The following TNRC6C variants were observed in gnomAD, a reference collection of about 807,000 sequenced individuals.
TNRC6C encodes trinucleotide repeat-containing gene 6C protein.
TNRC6C carries 20 observed loss-of-function variants against 153.7 expected under a neutral mutation model. The observed-to-expected ratio is 0.13, with a 90% CI of 0.09 to 0.19. TNRC6C has a LOEUF of 0.19. Among genes scored for constraint, TNRC6C ranks in the 10% least tolerant of loss-of-function variants. The pLI is 1.00. For synonymous variants in TNRC6C, 811 were observed against 841.4 expected (o/e 0.96, Z 0.63); for missense variants, 1,987 against 2,172.0 (o/e 0.91, Z 1.69).
chr17:78,073,051 G>A, exon 7 of TNRC6C: 1 of 1,556,158 alleles, frequency 6.4e-7, no homozygotes, highest in Non-Finnish European at 8.7e-7. Flanking sequence ...AGCCAGCTGA[G>A]GAGGCCTTGA....
At chr17:77,967,758 T>C (rs1405535388) in intron 1 of TNRC6C, among the ~76,000 whole-genome samples, 1 of 152,210 alleles carries the variant, frequency 6.6e-6, no homozygotes, top group Non-Finnish European at 1.5e-5. Flanking sequence ...TTTCACAGAT[T>C]TGATGATGGT....
chr17:78,010,427 C>A (rs573871567), intron 1 of TNRC6C, among the ~76,000 whole-genome samples: 350 of 152,022 alleles, frequency 2.3e-3, no homozygotes, highest in Non-Finnish European at 4.2e-3. Context: ...AGTTTAATAT[C>A]AATCAGAATG....
At chr17:78,077,496 A>C in intron 9 of TNRC6C, 162 bp downstream of exon 11, 1 of 897,460 alleles carries the variant, frequency 1.1e-6, no homozygotes. Flanking sequence ...CAGGTGACTT[A>C]CTGGAGTCAA....
rs1041135573 is a variant in TNRC6C at position 78,080,500 on chromosome 17, G to C, written c.3357+959G>C. On this transcript the variant is annotated intron_variant, in intron 10 of 19. Coordinates refer to ENST00000301624, the Ensembl canonical transcript of TNRC6C. ...AAATCGAATTAAGGAAAAGGATATTGCTGTTTGGCATGGCTCTGAGGCCTA... is the reference window on the plus strand; with the variant it reads ...AAATCGAATTAAGGAAAAGGATATTCCTGTTTGGCATGGCTCTGAGGCCTA... Among the ~76,000 whole-genome samples the C allele has an allele frequency of 2.0e-5, 3 of 152,144 alleles. No individual in the cohort carries two copies. The South Asian group carries it at 6.2e-4, about 32-fold the overall frequency.
chr17:78,044,020 C>T (rs1020823477), intron 2 of TNRC6C, among the ~76,000 whole-genome samples: 20 of 152,156 alleles, frequency 1.3e-4, no homozygotes, highest in Non-Finnish European at 2.2e-4. Context: ...CTGCAGCAAA[C>T]ATCGAAGCTC....
chr17:77,980,353 A>G (rs1052714890), intron 1 of TNRC6C, among the ~76,000 whole-genome samples: 2 of 152,222 alleles, frequency 1.3e-5, no homozygotes, highest in East Asian at 1.9e-4. Context: ...GGAAAAACAC[A>G]GGTTATTTTT....
upstream of TNRC6C, among the ~76,000 whole-genome samples, chr17:77,957,906 C>G (rs978272340): frequency 1.3e-5 from 2 of 152,216 alleles, no homozygotes; most frequent in Non-Finnish European, 2.9e-5. Flanking sequence ...CGGCCCGGAC[C>G]GAAGGCTTGC....
At chr17:77,985,548 G>A (rs956187609) in intron 1 of TNRC6C, among the ~76,000 whole-genome samples, 1 of 150,362 alleles carries the variant, frequency 6.7e-6, no homozygotes, top group African/African-American at 2.5e-5. Context: ...GTTGCAGTGA[G>A]CCGAGATCGC....
In TNRC6C at chr17:78,097,947, G is replaced by T. The variant is rs530164706; in HGVS notation, c.4307-396G>T. On this transcript the variant is annotated intron_variant, in intron 16 of 19. Coordinates refer to ENST00000301624, the Ensembl canonical transcript of TNRC6C. ...TGACAGGCCCCAGCTTTTCCTATTG[G>T]CTCTTTACTCACTCCCTGAGCTGGG... 229 of 1,120,016 alleles carry T rather than the reference G, an allele frequency of 2.0e-4. 1 individual carries two copies. The African/African-American group carries it at 3.4e-3, about 16-fold the overall frequency. 69.4% of individuals were successfully genotyped at this position (1,120,016 alleles called of 1,614,324 possible). A position where few individuals can be genotyped will look rare whatever the true frequency, so the allele number is the denominator to read the frequency against.
intron 16 of TNRC6C, among the ~76,000 whole-genome samples, chr17:78,095,175 A>C (rs1323715694): frequency 1.3e-5 from 2 of 152,244 alleles, no homozygotes; most frequent in Non-Finnish European, 2.9e-5. Flanking sequence ...CAGATGAAGC[A>C]TCAGGTAGCC....
intron 1 of TNRC6C, among the ~76,000 whole-genome samples, chr17:78,013,535 A>G (rs2071673836): frequency 6.6e-6 from 1 of 152,200 alleles, no homozygotes; most frequent in Non-Finnish European, 1.5e-5. Context: ...GCTGATTGCT[A>G]TGGGAAGAAA....
chr17:78,102,498 C>A lies in TNRC6C; in HGVS notation c.4526C>A (p.Ser1509Ter). The A allele has an allele frequency of 6.2e-7, 1 of 1,607,842 alleles. No individual in the cohort carries two copies. Among genetic ancestry groups the A allele is most frequent in the Non-Finnish European group, 8.5e-7 (1 of 1,177,150 alleles). ...GGTTCTGCCTGGAGCACCGACACCT[C>A]AGGAAGAACCAGCAGCTGGCTCGTT... Residue 1509 changes from serine (S) to a stop codon, truncating the protein, a stop_gained, in exon 18 of 20, where the codon TCA becomes TAA. Transcript: ENST00000301624. LOFTEE classifies it high-confidence loss of function.
intron 1 of TNRC6C, among the ~76,000 whole-genome samples, chr17:77,983,664 G>A (rs547710266): frequency 6.6e-6 from 1 of 152,318 alleles, no homozygotes; most frequent in Admixed American, 6.5e-5. Flanking sequence ...AAGAAAGTTA[G>A]GGACACCATC....
At chr17:77,984,866 T>C (rs2144119933) in intron 1 of TNRC6C, among the ~76,000 whole-genome samples, 1 of 152,278 alleles carries the variant, frequency 6.6e-6, no homozygotes, top group Admixed American at 6.5e-5. Flanking sequence ...CTTGGAGCTA[T>C]TATAGTAAGT....
chr17:77,974,390 A>G (rs2070969101), intron 1 of TNRC6C, among the ~76,000 whole-genome samples: 1 of 152,160 alleles, frequency 6.6e-6, no homozygotes, highest in Non-Finnish European at 1.5e-5. Context: ...ACTTTCATCT[A>G]AATCATCTTT....
chr17:78,091,749 G>C (rs545606127), intron 14 of TNRC6C, 142 bp downstream of exon 16: 5 of 961,248 alleles, frequency 5.2e-6, no homozygotes, highest in Non-Finnish European at 1.4e-6. Context: ...CCATTATAGT[G>C]CATATAAGAT....
chr17:78,100,268 A>G (rs1037071777), intron 17 of TNRC6C, among the ~76,000 whole-genome samples: 4 of 152,038 alleles, frequency 2.6e-5, no homozygotes, highest in Non-Finnish European at 5.9e-5. Flanking sequence ...GGGGGCTCCA[A>G]CCCCACATTT....
rs529762478 is a variant in TNRC6C, at chr17:78,071,178, G to A, written c.2859+13G>A. On this transcript the variant is annotated intron_variant, in intron 6 of 19. Transcript: ENST00000301624. ...CATGGGCTTCCCGGTAACTGGCGTC[G>A]TAGTTTACTGCTACCCACCATGCTT... is the stretch of plus-strand genomic sequence containing the variant. 48 of 1,588,462 alleles carry A rather than the reference G, an allele frequency of 3.0e-5. No individual in the cohort carries two copies. Among genetic ancestry groups the A allele is most frequent in the Middle Eastern group, 1.7e-4 (1 of 6,048 alleles).
At chr17:78,068,639 C>T (rs746461765) in intron 5 of TNRC6C, among the ~76,000 whole-genome samples, 1 of 152,086 alleles carries the variant, frequency 6.6e-6, no homozygotes, top group African/African-American at 2.4e-5. Flanking sequence ...ACTAAAAATA[C>T]AAAAACTAGC....
Sources: allele counts gnomAD v4.1 joint callset (sites outside exome capture counted in the v4.1 genomes callset), GRCh38; gene constraint gnomAD v4.1.1; transcripts MANE v1.5; gene names NCBI Gene and HGNC (gene_info 2026-07-23, HGNC 2026-07-21).